Variants in PRIMA1 observed in about 807,000 individuals in gnomAD.
The protein encoded by PRIMA1 is proline rich membrane anchor 1.
A neutral mutation model predicts 17.5 loss-of-function variants in PRIMA1; 7 were observed. That is an observed-to-expected ratio of 0.40 (90% confidence interval 0.23 to 0.75). PRIMA1 has a LOEUF of 0.75. Ranked by LOEUF, PRIMA1 falls within the 30% of genes least tolerant of loss-of-function variation. The pLI, the probability that PRIMA1 is intolerant of heterozygous loss-of-function variation, is 0.37. For missense variants in PRIMA1, 200 were observed against 201.8 expected (o/e 0.99, Z 0.05); for synonymous variants, 97 against 77.9 (o/e 1.25, Z -1.29).
chr14:93,773,484 C>T (rs1330324340), intron 3 of PRIMA1, among the ~76,000 whole-genome samples: 3 of 152,212 alleles, frequency 2.0e-5, no homozygotes, highest in Non-Finnish European at 4.4e-5. Context: ...TGGGGATGAG[C>T]TCCAGTGATC....
Position 93,779,239 on chromosome 14 carries a change from G to GC in PRIMA1, c.165dup (p.Pro56AlafsTer31). ...GGCGGCGGGGGCAGCGGGGGAGGGGGCCGGCACTGGCAGACGTGTCGGCAG... is the reference window on the plus strand; with the variant it reads ...GGCGGCGGGGGCAGCGGGGGAGGGGGCCCGGCACTGGCAGACGTGTCGGCAG... On this transcript the variant is annotated frameshift_variant, in exon 3 of 5. Transcript: ENST00000393140. LOFTEE classifies it high-confidence loss of function. 2.7e-6 allele frequency: 4 copies of GC among 1,462,248 alleles called. No homozygotes were observed. Among genetic ancestry groups the GC allele is most frequent in the Non-Finnish European group, 2.8e-6 (3 of 1,090,700 alleles). 90.6% of individuals were successfully genotyped at this position (1,462,248 alleles called of 1,614,324 possible). A position where few individuals can be genotyped will look rare whatever the true frequency, so the allele number is the denominator to read the frequency against.
intron 4 of PRIMA1, among the ~76,000 whole-genome samples, chr14:93,732,228 C>A (rs530716746): frequency 6.6e-6 from 1 of 152,328 alleles, no homozygotes; most frequent in African/African-American, 2.4e-5. Flanking sequence ...ATCATCTCCC[C>A]TCAACACAGG....
intron 4 of PRIMA1, among the ~76,000 whole-genome samples, chr14:93,737,025 AG>A (rs2076153985): frequency 6.6e-6 from 1 of 152,258 alleles, no homozygotes; most frequent in Non-Finnish European, 1.5e-5. Context: ...AAAAGATCAA[AG>A]GAAAAATAAA....
At chr14:93,732,371 G>A (rs528518389) in intron 4 of PRIMA1, among the ~76,000 whole-genome samples, 7 of 152,316 alleles carry the variant, frequency 4.6e-5, no homozygotes, top group South Asian at 2.1e-4. Context: ...CCTGGGCAGC[G>A]GGTGCCTTGC....
At chr14:93,732,370 C>G (rs978228121) in intron 4 of PRIMA1, among the ~76,000 whole-genome samples, 1 of 152,190 alleles carries the variant, frequency 6.6e-6, no homozygotes, top group Non-Finnish European at 1.5e-5. Flanking sequence ...ACCTGGGCAG[C>G]GGGTGCCTTG....
At chr14:93,773,509 C>T (rs1374187450) in intron 3 of PRIMA1, among the ~76,000 whole-genome samples, 2 of 152,250 alleles carry the variant, frequency 1.3e-5, no homozygotes, top group South Asian at 2.1e-4. Flanking sequence ...ACTAAACAAG[C>T]TCTCCAGGCG....
At chr14:93,767,899 A>G (rs756892072) in intron 3 of PRIMA1, among the ~76,000 whole-genome samples, 11 of 152,154 alleles carry the variant, frequency 7.2e-5, no homozygotes, top group Non-Finnish European at 1.3e-4. Flanking sequence ...AGGCAAATCC[A>G]TGGAGGCAGG....
intron 4 of PRIMA1, among the ~76,000 whole-genome samples, chr14:93,727,650 T>A (rs2076086873): frequency 6.6e-6 from 1 of 152,048 alleles, no homozygotes; most frequent in Non-Finnish European, 1.5e-5. Flanking sequence ...GGGGAACACC[T>A]CTGGGTAGAA....
chr14:93,771,854 A>AG (rs989754624), intron 3 of PRIMA1, among the ~76,000 whole-genome samples: 2 of 152,258 alleles, frequency 1.3e-5, no homozygotes, highest in South Asian at 2.1e-4. Context: ...AGGAAAGGAA[A>AG]GGGGGGTCCC....
At chr14:93,741,205 C>T (rs1566966924) in intron 3 of PRIMA1, among the ~76,000 whole-genome samples, 1 of 152,208 alleles carries the variant, frequency 6.6e-6, no homozygotes, top group East Asian at 1.9e-4. Flanking sequence ...CTTATTTATC[C>T]TTGCTTGAGT....
intron 3 of PRIMA1, among the ~76,000 whole-genome samples, chr14:93,740,890 TG>T (rs2076180372): frequency 6.6e-6 from 1 of 152,238 alleles, no homozygotes; most frequent in Non-Finnish European, 1.5e-5. Context: ...ATAGGGAATT[TG>T]GCACTAAATT....
At position 93,782,600 on chromosome 14, in the gene PRIMA1, A is replaced by G. The variant is rs534955436; in HGVS notation, c.94-3289T>C. Among the ~76,000 whole-genome samples the G allele has an allele frequency of 3.5e-3, 534 of 152,358 alleles. 4 individuals carry two copies. Among genetic ancestry groups the G allele is most frequent in the African/African-American group, 0.012 (500 of 41,582 alleles). On this transcript the variant is annotated intron_variant, in intron 2 of 4. Coordinates refer to ENST00000393140, the MANE Select transcript of PRIMA1 (RefSeq NM_178013.4). ...AGTGCACCACACTCCAGCCTGGGCA[A>G]CAGAGCGAGACCCTGCTTCAAAACA...
chr14:93,729,725 G>A (rs2076101466), intron 4 of PRIMA1, among the ~76,000 whole-genome samples: 1 of 152,240 alleles, frequency 6.6e-6, no homozygotes, highest in East Asian at 1.9e-4. Context: ...CCTGCGGGGA[G>A]GAAGAAGAGG....
chr14:93,756,479 G>A lies in PRIMA1; in HGVS notation c.230-19109C>T, dbSNP rs185349064. ...TCCTCTGCCTCTCCCTGGCTTGCCC[G>A]GGCGTCTTACCCGAGGGTGGGCAGG... On this transcript the variant is annotated intron_variant, in intron 3 of 4. Transcript: ENST00000393140. Among the ~76,000 whole-genome samples the A allele has an allele frequency of 1.2e-3, 181 of 152,246 alleles. 1 individual carries two copies. Among genetic ancestry groups the A allele is most frequent in the Non-Finnish European group, 1.8e-3 (124 of 68,020 alleles).
rs150709206 is a variant in PRIMA1 at position 93,759,203 on chromosome 14, G to A, written c.229+19973C>T. On this transcript the variant is annotated intron_variant, in intron 3 of 4. Coordinates refer to ENST00000393140, the MANE Select transcript of PRIMA1 (RefSeq NM_178013.4). ...CTTGAGGGCTAAGCAGTTGCTCAGC[G>A]GGTCTCTATTGGCTTATGGGGAGGG... 2.2e-3 allele frequency among the ~76,000 whole-genome samples: 330 copies of A among 152,256 alleles called. 2 individuals are homozygous for A. The highest frequency in any genetic ancestry group is 7.0e-3 in the African/African-American group (290 of 41,542).
At chr14:93,775,591 G>A (rs532076044) in intron 3 of PRIMA1, among the ~76,000 whole-genome samples, 13 of 152,266 alleles carry the variant, frequency 8.5e-5, no homozygotes, top group African/African-American at 2.6e-4. Flanking sequence ...CTCCGCCTCC[G>A]TATTTTATGA....
intron 4 of PRIMA1, among the ~76,000 whole-genome samples, chr14:93,727,762 C>A (rs191679943): frequency 6.6e-6 from 1 of 152,308 alleles, no homozygotes; most frequent in African/African-American, 2.4e-5. Context: ...GTCACGGAAC[C>A]CCCCTTCACC....
Position 93,721,326 on chromosome 14 carries a change from G to A in PRIMA1, c.*118C>T. On this transcript the variant is annotated 3_prime_UTR_variant, in exon 5 of 5. Coordinates refer to ENST00000393140, the MANE Select transcript of PRIMA1 (RefSeq NM_178013.4). ...TGGTTTCTCCTTCGGGAGGCTCAGG[G>A]CCTGTGAGGCAATGAAGTCCTGGAC... The A allele has an allele frequency of 3.0e-6, 2 of 660,454 alleles. No homozygotes were observed. Among genetic ancestry groups the A allele is most frequent in the South Asian group, 3.7e-5 (2 of 54,438 alleles). The allele number at this position is 660,454 out of a possible 1,614,324, so 40.9% of individuals were successfully genotyped here. A position where few individuals can be genotyped will look rare whatever the true frequency, so the allele number is the denominator to read the frequency against.
intron 3 of PRIMA1, among the ~76,000 whole-genome samples, chr14:93,759,939 A>G (rs1477885564): frequency 6.6e-6 from 1 of 152,192 alleles, no homozygotes; most frequent in Non-Finnish European, 1.5e-5. Flanking sequence ...TTGAACCTTT[A>G]CTGGGCTCCT....
Sources: allele counts gnomAD v4.1 joint callset (sites outside exome capture counted in the v4.1 genomes callset), GRCh38; gene constraint gnomAD v4.1.1; transcripts MANE v1.5; gene names NCBI Gene and HGNC (gene_info 2026-07-23, HGNC 2026-07-21).